The following EGFL6 variants were observed in gnomAD, a reference collection of about 807,000 sequenced individuals.
The protein encoded by EGFL6 is epidermal growth factor-like protein 6.
Under a neutral mutation model 43.1 loss-of-function variants are expected in EGFL6, and 42 were observed. That is an observed-to-expected ratio of 0.98 (90% CI 0.76 to 1.26). The LOEUF (loss-of-function observed/expected upper bound fraction) is 1.26. Ranked by LOEUF, EGFL6 falls within the 50% of genes most tolerant of loss-of-function variation. The pLI is 0.00. For missense variants in EGFL6, 429 were observed against 427.8 expected (o/e 1.00, Z -0.02); for synonymous variants, 164 against 163.2 (o/e 1.01, Z -0.04).
At chrX:13,577,087 T>C (rs192212542) in intron 1 of EGFL6, among the ~76,000 whole-genome samples, 1 of 110,195 alleles carries the variant, frequency 9.1e-6, no homozygotes, top group African/African-American at 3.3e-5. Flanking sequence ...CAGAGATTCA[T>C]AACTACTGCC....
At chrX:13,575,899 G>A (rs983912934) in intron 1 of EGFL6, among the ~76,000 whole-genome samples, 1 of 112,101 alleles carries the variant, frequency 8.9e-6, no homozygotes, top group Middle Eastern at 4.2e-3. Flanking sequence ...ATAGACATGT[G>A]TTTCTCTTTC....
chrX:13,612,026 T>C (rs6653637), intron 7 of EGFL6, among the ~76,000 whole-genome samples: 19,912 of 110,464 alleles, frequency 0.18, 2,405 homozygotes, highest in African/African-American at 0.43. Flanking sequence ...GAAGGATGCC[T>C]CAAAATCCAC....
intron 10 of EGFL6, among the ~76,000 whole-genome samples, chrX:13,626,394 G>A (rs1056498641): frequency 2.3e-4 from 26 of 111,899 alleles, no homozygotes; most frequent in African/African-American, 7.5e-4. Flanking sequence ...GCCACAACCC[G>A]AAGATTGGAT....
chrX:13,620,728 A>G (rs917313933), intron 9 of EGFL6, among the ~76,000 whole-genome samples: 1 of 111,502 alleles, frequency 9.0e-6, no homozygotes, highest in Non-Finnish European at 1.9e-5. Context: ...TTCATTGTAC[A>G]GGGGGTAAGC....
In EGFL6 at chrX:13,633,164, C is replaced by A; in HGVS notation, c.*69C>A. ...TTTTTTTGATATTGCATCATAGGAC[C>A]TCTGGCATTTTAGAATTACTAGCTG... On this transcript the variant is annotated 3_prime_UTR_variant, in exon 12 of 12. Transcript: ENST00000361306. 1 of 910,124 alleles carries A rather than the reference C, an allele frequency of 1.1e-6. No homozygotes were observed. Among genetic ancestry groups the A allele is most frequent in the Non-Finnish European group, 1.5e-6 (1 of 659,324 alleles). The allele number at this position is 910,124 out of a possible 1,213,427, so 75.0% of individuals were successfully genotyped here.
At chrX:13,613,952 A>G (rs1376440820) in intron 7 of EGFL6, among the ~76,000 whole-genome samples, 1 of 111,805 alleles carries the variant, frequency 8.9e-6, no homozygotes, top group Non-Finnish European at 1.9e-5. Context: ...TGGCCTGGGA[A>G]TTTTTCTAAC....
At chrX:13,596,652 C>A (rs1007219853) in intron 3 of EGFL6, 1 of 111,592 alleles carries the variant, frequency 9.0e-6, no homozygotes, top group Non-Finnish European at 1.9e-5. Context: ...CCTCTCGCCT[C>A]AGACTCCTGA....
chrX:13,609,114 T>A (rs112259806), intron 7 of EGFL6, among the ~76,000 whole-genome samples: 16 of 112,490 alleles, frequency 1.4e-4, no homozygotes, highest in African/African-American at 5.2e-4. Context: ...TTCTCACTCA[T>A]GTAATATGTC....
chrX:13,594,998 A>G (rs2045589206), intron 3 of EGFL6, 70 bp downstream of exon 3: 1 of 810,918 alleles, frequency 1.2e-6, no homozygotes, highest in Non-Finnish European at 1.8e-6. Flanking sequence ...TCAATATGGT[A>G]CGCAGGATTT....
chrX:13,585,346 G>C (rs1056274226), intron 1 of EGFL6, among the ~76,000 whole-genome samples: 8 of 111,937 alleles, frequency 7.1e-5, no homozygotes, highest in African/African-American at 1.6e-4. Context: ...TTTAAAGTTT[G>C]CACCTTCAAA....
At chrX:13,606,546 C>G in intron 6 of EGFL6, 33 bp downstream of exon 6, 1 of 1,194,138 alleles carries the variant, frequency 8.4e-7, no homozygotes, top group South Asian at 1.8e-5. Flanking sequence ...CCTTTTTTTC[C>G]TGTCCCCACC....
chrX:13,585,569 T>G (rs1043807276), intron 1 of EGFL6, among the ~76,000 whole-genome samples: 1 of 111,206 alleles, frequency 9.0e-6, no homozygotes, highest in Non-Finnish European at 1.9e-5. Context: ...TACTGATTTT[T>G]TTTTTGGCAT....
At chrX:13,627,774 G>T (rs1035416157) in intron 11 of EGFL6, among the ~76,000 whole-genome samples, 4 of 111,968 alleles carry the variant, frequency 3.6e-5, no homozygotes, top group African/African-American at 1.3e-4. Flanking sequence ...CACAAGTACA[G>T]TTTGTATAGA....
intron 7 of EGFL6, among the ~76,000 whole-genome samples, chrX:13,615,998 A>T (rs182434752): frequency 1.1e-3 from 127 of 112,037 alleles, no homozygotes; most frequent in African/African-American, 3.9e-3. Context: ...TTCTCTCTAA[A>T]CTATGTCCAA....
intron 5 of EGFL6, among the ~76,000 whole-genome samples, chrX:13,603,733 C>T (rs1471936797): frequency 8.9e-6 from 1 of 111,950 alleles, no homozygotes; most frequent in African/African-American, 3.2e-5. Context: ...ATATAAACTC[C>T]ACTACTTATA....
In EGFL6 at chrX:13,608,315, C is replaced by CT; in HGVS notation, c.656-3dup. Reference sequence around the variant, plus strand: ...CCACAGAGTCGTTCACTGGAATGTTCTTTTTTAGATATAAATGAATGTACT... The same window carrying CT: ...CCACAGAGTCGTTCACTGGAATGTTCTTTTTTTAGATATAAATGAATGTACT... On this transcript the variant is annotated splice_polypyrimidine_tract_variant and intron_variant, in intron 6 of 11. Transcript: ENST00000361306. The CT allele has an allele frequency of 8.5e-7, 1 of 1,181,840 alleles. No individual in the cohort carries two copies. The highest frequency in any genetic ancestry group is 2.4e-4 in the Middle Eastern group (1 of 4,191).
At chrX:13,624,716 T>C (rs2045769126) in intron 10 of EGFL6, among the ~76,000 whole-genome samples, 2 of 111,937 alleles carry the variant, frequency 1.8e-5, no homozygotes, top group African/African-American at 6.5e-5. Flanking sequence ...TGGGGATGTA[T>C]AGGCTCAGCC....
chrX:13,615,770 AT>A (rs896146136), intron 7 of EGFL6, among the ~76,000 whole-genome samples: 1 of 111,941 alleles, frequency 8.9e-6, no homozygotes, highest in Non-Finnish European at 1.9e-5. Context: ...TTTTCAAAGC[AT>A]TTTTCCCCCG....
At chrX:13,619,101 A>G in intron 8 of EGFL6, 62 bp from the exon 9 acceptor site, 1 of 896,302 alleles carries the variant, frequency 1.1e-6, no homozygotes, top group Non-Finnish European at 1.6e-6. Flanking sequence ...CATTTGATTG[A>G]TACCTTCTGA....
Sources: allele counts gnomAD v4.1 joint callset (sites outside exome capture counted in the v4.1 genomes callset), GRCh38; gene constraint gnomAD v4.1.1; transcripts MANE v1.5; gene names NCBI Gene and HGNC (gene_info 2026-07-23, HGNC 2026-07-21).